Variants in NXPE1 observed in about 807,000 individuals in gnomAD.
NXPE1 encodes the protein NXPE family member 1.
Under a neutral mutation model 33.3 loss-of-function variants are expected in NXPE1, and 31 were observed. The observed-to-expected ratio is 0.93, with a 90% CI of 0.70 to 1.26. The LOEUF is 1.26. NXPE1 is among the 50% of genes most tolerant of loss of function. The pLI is 0.00. For synonymous variants in NXPE1, 229 were observed against 231.4 expected (o/e 0.99, Z 0.09); for missense variants, 661 against 655.6 (o/e 1.01, Z -0.09).
At chr11:114,550,774 A>G (rs1041223725) in intron 5 of NXPE1, among the ~76,000 whole-genome samples, 3 of 152,204 alleles carry the variant, frequency 2.0e-5, no homozygotes, top group Admixed American at 6.5e-5. Context: ...ATAAAAAGAT[A>G]AAATGACAAG....
At chr11:114,534,546 A>C (rs902006098) in intron 5 of NXPE1, among the ~76,000 whole-genome samples, 2 of 152,244 alleles carry the variant, frequency 1.3e-5, no homozygotes, top group African/African-American at 4.8e-5. Flanking sequence ...AAAAAAAATT[A>C]GATGAATGGA....
intron 1 of NXPE1, among the ~76,000 whole-genome samples, chr11:114,555,387 C>G (rs189748566): frequency 2.0e-5 from 3 of 152,076 alleles, no homozygotes; most frequent in African/African-American, 7.2e-5. Context: ...CCACCATGCC[C>G]GGCTAATTTT....
intron 1 of NXPE1, among the ~76,000 whole-genome samples, 186 bp downstream of exon 1, chr11:114,559,610 GTT>G (rs10582306): frequency 0.01 from 1,516 of 146,486 alleles, 33 homozygotes; most frequent in African/African-American, 0.036. Flanking sequence ...CTCACTATCA[GTT>G]TTTTTTTTTG....
At chr11:114,558,867 C>G (rs1948715880) in intron 1 of NXPE1, among the ~76,000 whole-genome samples, 1 of 152,106 alleles carries the variant, frequency 6.6e-6, no homozygotes, top group Non-Finnish European at 1.5e-5. Context: ...CATAAAGAAT[C>G]ACATACAAAG....
chr11:114,534,415 A>G (rs533277183), intron 5 of NXPE1, among the ~76,000 whole-genome samples: 41 of 152,346 alleles, frequency 2.7e-4, no homozygotes, highest in Non-Finnish European at 5.6e-4. Flanking sequence ...CTCACCAGCA[A>G]CAGAACAAAG....
exon 8 of NXPE1, chr11:114,523,085 T>A (rs1460916096): frequency 5.0e-6 from 8 of 1,611,240 alleles, no homozygotes; most frequent in East Asian, 2.2e-5. Context: ...TTCTATTTTT[T>A]CTCTCTCTGG....
At chr11:114,540,356 T>C (rs868619514) in intron 5 of NXPE1, among the ~76,000 whole-genome samples, 3 of 152,178 alleles carry the variant, frequency 2.0e-5, no homozygotes, top group African/African-American at 2.4e-5. Context: ...CATTTACATA[T>C]AGCAACATGA....
intron 1 of NXPE1, chr11:114,553,996 A>G (rs1404699052): frequency 1.0e-6 from 1 of 985,214 alleles, no homozygotes; most frequent in Admixed American, 6.1e-5. Context: ...CAACTTGTCC[A>G]ATTGCAATGT....
Position 114,556,861 on chromosome 11 carries a change from C to T in NXPE1, c.-211+2937G>A, listed in dbSNP as rs186621015. On this transcript the variant is annotated intron_variant, in intron 1 of 8. Coordinates refer to ENST00000534921, the Ensembl canonical transcript of NXPE1. ...ACTATTTGGTTTTTATTTGTCCCAC[C>T]TTCTCTATTTCTATTCCATTTTCTC... Among the ~76,000 whole-genome samples the T allele has an allele frequency of 2.0e-3, 294 of 150,380 alleles. 1 individual carries two copies. The highest frequency in any genetic ancestry group is 6.1e-3 in the African/African-American group (252 of 41,034).
intron 1 of NXPE1, among the ~76,000 whole-genome samples, chr11:114,555,488 G>T (rs2135135676): frequency 6.6e-6 from 1 of 152,286 alleles, no homozygotes; most frequent in African/African-American, 2.4e-5. Flanking sequence ...GCCTCCCAAA[G>T]TGCTGGGATT....
intron 5 of NXPE1, among the ~76,000 whole-genome samples, chr11:114,547,701 C>T (rs1271272327): frequency 2.0e-5 from 3 of 152,176 alleles, no homozygotes; most frequent in African/African-American, 7.2e-5. Flanking sequence ...CACTACTGCA[C>T]TCCAGCCTGG....
chr11:114,540,323 C>G (rs1313699671), intron 5 of NXPE1, among the ~76,000 whole-genome samples: 1 of 152,158 alleles, frequency 6.6e-6, no homozygotes, highest in Non-Finnish European at 1.5e-5. Context: ...GAAATACATG[C>G]AATTCTCAGA....
intron 5 of NXPE1, among the ~76,000 whole-genome samples, chr11:114,533,145 CT>C (rs892624960): frequency 6.6e-6 from 1 of 152,142 alleles, no homozygotes; most frequent in African/African-American, 2.4e-5. Context: ...GAGAAACAGA[CT>C]TTTTTTCCCT....
intron 5 of NXPE1, among the ~76,000 whole-genome samples, chr11:114,542,724 G>T (rs534912): frequency 0.36 from 55,070 of 151,892 alleles, 10,220 homozygotes; most frequent in East Asian, 0.66. Context: ...TCATTAGAGG[G>T]AAGCAATAGT....
chr11:114,547,046 C>T (rs1049536276), intron 5 of NXPE1, among the ~76,000 whole-genome samples: 3 of 152,110 alleles, frequency 2.0e-5, no homozygotes, highest in Non-Finnish European at 4.4e-5. Flanking sequence ...TGCAGATTCT[C>T]CCCACTCAAG....
At chr11:114,559,411 A>G (rs1948726839) in intron 1 of NXPE1, among the ~76,000 whole-genome samples, 2 of 152,230 alleles carry the variant, frequency 1.3e-5, no homozygotes, top group African/African-American at 4.8e-5. Context: ...GCAAAGAAAT[A>G]TCAGTTGTAA....
exon 8 of NXPE1, chr11:114,522,934 G>A (rs1947259465): frequency 1.2e-6 from 2 of 1,613,472 alleles, no homozygotes; most frequent in Non-Finnish European, 1.7e-6. Context: ...AGTCTCCCAG[G>A]AGGTAAATGA....
downstream of NXPE1, among the ~76,000 whole-genome samples, chr11:114,520,494 A>G (rs903106192): frequency 6.6e-6 from 1 of 152,168 alleles, no homozygotes; most frequent in South Asian, 2.1e-4. Context: ...ATATACTGCA[A>G]ATTATTTATC....
chr11:114,534,628 C>A (rs984666445), intron 5 of NXPE1, among the ~76,000 whole-genome samples: 1 of 152,130 alleles, frequency 6.6e-6, no homozygotes, highest in Non-Finnish European at 1.5e-5. Flanking sequence ...ACGAGAGCTA[C>A]GTGACAAATG....
Sources: allele counts gnomAD v4.1 joint callset (sites outside exome capture counted in the v4.1 genomes callset), GRCh38; gene constraint gnomAD v4.1.1; transcripts MANE v1.5; gene names NCBI Gene and HGNC (gene_info 2026-07-23, HGNC 2026-07-21).